CATSPER3: variants seen among roughly 807,000 people sequenced by gnomAD.
The protein encoded by CATSPER3 is cation channel sperm associated 3.
A neutral mutation model predicts 36.6 loss-of-function variants in CATSPER3; 23 were observed. The observed-to-expected ratio is 0.63, with a 90% confidence interval of 0.45 to 0.89. The LOEUF (loss-of-function observed/expected upper bound fraction) is 0.89. Among genes scored for constraint, CATSPER3 ranks in the 40% least tolerant of loss-of-function variants. The pLI is 0.00. For missense variants in CATSPER3, 474 were observed against 503.9 expected (o/e 0.94, Z 0.57); for synonymous variants, 172 against 184.1 (o/e 0.93, Z 0.53).
chr5:134,973,938 T>C (rs560366156), intron 2 of CATSPER3, among the ~76,000 whole-genome samples: 8 of 152,240 alleles, frequency 5.3e-5, no homozygotes, highest in Non-Finnish European at 1.0e-4. Flanking sequence ...ACTGACCTTA[T>C]GTGAACTGCA....
chr5:135,011,453 G>A (rs978283055), intron 7 of CATSPER3, 68 bp from the exon 8 acceptor site: 1 of 1,157,674 alleles, frequency 8.6e-7, no homozygotes, highest in Non-Finnish European at 1.3e-6. Context: ...CGTGTGGTCA[G>A]TGGGGCCAGG....
intron 2 of CATSPER3, 27 bp downstream of exon 2, chr5:134,970,119 C>G (rs778624844): frequency 6.2e-7 from 1 of 1,602,976 alleles, no homozygotes; most frequent in South Asian, 1.1e-5. Context: ...GGTCCATTTT[C>G]TTCTTTTTTT....
intron 2 of CATSPER3, among the ~76,000 whole-genome samples, 178 bp downstream of exon 2, chr5:134,970,270 CT>C (rs1751586802): frequency 6.6e-6 from 1 of 151,924 alleles, no homozygotes; most frequent in African/African-American, 2.4e-5. Flanking sequence ...CAAGCGATTC[CT>C]CTGCCTTAGC....
intron 2 of CATSPER3, among the ~76,000 whole-genome samples, chr5:134,996,013 A>G (rs1387388717): frequency 6.6e-6 from 1 of 152,216 alleles, no homozygotes; most frequent in Admixed American, 6.5e-5. Flanking sequence ...TTATACAGTC[A>G]TTCTGTCTGC....
intron 3 of CATSPER3, among the ~76,000 whole-genome samples, chr5:135,003,587 G>C (rs1013798327): frequency 6.6e-6 from 1 of 152,220 alleles, no homozygotes; most frequent in Non-Finnish European, 1.5e-5. Context: ...TCCTTGAGCT[G>C]CTGTGGGCTC....
At chr5:135,005,480 G>A (rs1350098634) in intron 3 of CATSPER3, among the ~76,000 whole-genome samples, 2 of 152,202 alleles carry the variant, frequency 1.3e-5, no homozygotes, top group African/African-American at 4.8e-5. Context: ...ATCCCCAGAG[G>A]CACAGAAGTG....
At position 134,982,546 on chromosome 5, in the gene CATSPER3, G is replaced by A. The variant is rs183367728; in HGVS notation, c.252+12454G>A. On this transcript the variant is annotated intron_variant, in intron 2 of 7. Coordinates refer to ENST00000282611, the MANE Select transcript of CATSPER3 (RefSeq NM_178019.3). ...AGGCCAAAACACAGTGAAAAGCCAT[G>A]TTTAAAATATAAAAGAAAAAATACT... is the stretch of plus-strand genomic sequence containing the variant. Among the ~76,000 whole-genome samples, 510 of 152,104 alleles carry A rather than the reference G, an allele frequency of 3.4e-3. 7 individuals are homozygous for A. In the East Asian group the frequency reaches 0.037, roughly 11 times the overall value.
intron 2 of CATSPER3, among the ~76,000 whole-genome samples, chr5:134,981,007 C>T (rs6894421): frequency 0.014 from 2,057 of 152,298 alleles, 36 homozygotes; most frequent in African/African-American, 0.047. Flanking sequence ...GCATGAGTTA[C>T]AATGCCTGGC....
At chr5:134,989,463 T>C (rs1030523732) in intron 2 of CATSPER3, among the ~76,000 whole-genome samples, 5 of 152,250 alleles carry the variant, frequency 3.3e-5, no homozygotes, top group African/African-American at 1.2e-4. Context: ...TCAATTCTCT[T>C]AGCTAGATCT....
At chr5:135,008,252 A>G in intron 4 of CATSPER3, 113 bp downstream of exon 4, 1 of 872,922 alleles carries the variant, frequency 1.1e-6, no homozygotes. Flanking sequence ...ATGTCCAGGT[A>G]CTCATCTGGG....
chr5:134,982,859 A>G (rs1279095136), intron 2 of CATSPER3, among the ~76,000 whole-genome samples: 1 of 152,238 alleles, frequency 6.6e-6, no homozygotes, highest in East Asian at 1.9e-4. Context: ...TACCAATGTT[A>G]TAGTTAATGG....
chr5:135,008,194 G>C (rs961001711), intron 4 of CATSPER3, 55 bp downstream of exon 4: 5 of 1,461,686 alleles, frequency 3.4e-6, no homozygotes, highest in South Asian at 1.1e-5. Flanking sequence ...GGACAGCCTA[G>C]GTGGTGCAAG....
chr5:135,009,087 A>G (rs937172162), intron 5 of CATSPER3, 106 bp downstream of exon 5: 11 of 1,475,062 alleles, frequency 7.5e-6, no homozygotes, highest in Admixed American at 5.0e-5. Flanking sequence ...TGTCTTCCCA[A>G]TGAAGTGGAG....
At chr5:134,995,042 T>C (rs1385597706) in intron 2 of CATSPER3, among the ~76,000 whole-genome samples, 1 of 151,298 alleles carries the variant, frequency 6.6e-6, no homozygotes, top group South Asian at 2.1e-4. Context: ...CTTCCTTCCT[T>C]CCAATACATA....
intron 2 of CATSPER3, among the ~76,000 whole-genome samples, chr5:134,979,129 G>C (rs1370819283): frequency 6.6e-6 from 1 of 151,860 alleles, no homozygotes; most frequent in Non-Finnish European, 1.5e-5. Flanking sequence ...CTTGGTTCCA[G>C]AGCAGACTTT....
At chr5:134,971,745 A>G (rs953608853) in intron 2 of CATSPER3, among the ~76,000 whole-genome samples, 2 of 152,180 alleles carry the variant, frequency 1.3e-5, no homozygotes, top group Non-Finnish European at 2.9e-5. Context: ...CTTTTTAAAG[A>G]CAGGATCCCA....
intron 2 of CATSPER3, chr5:134,995,825 G>C: frequency 4.2e-6 from 1 of 240,098 alleles, no homozygotes; most frequent in Non-Finnish European, 8.3e-6. Context: ...AAGTGTAAAA[G>C]AATATTCTTC....
Position 134,970,109 on chromosome 5 carries a change from G to C in CATSPER3, c.252+17G>C. On this transcript the variant is annotated intron_variant, in intron 2 of 7. Coordinates refer to ENST00000282611, the MANE Select transcript of CATSPER3 (RefSeq NM_178019.3). ...CTTCTTGAGGTAAGCAGACAAAATG[G>C]GTCCATTTTCTTCTTTTTTTAAAAC... The C allele has an allele frequency of 6.2e-7, 1 of 1,611,988 alleles. No homozygotes were observed. The highest frequency in any genetic ancestry group is 8.5e-7 in the Non-Finnish European group (1 of 1,178,320).
intron 4 of CATSPER3, 114 bp downstream of exon 4, chr5:135,008,253 C>T: frequency 1.2e-6 from 1 of 849,720 alleles, no homozygotes; most frequent in Non-Finnish European, 1.9e-6. Flanking sequence ...TGTCCAGGTA[C>T]TCATCTGGGC....
Sources: allele counts gnomAD v4.1 joint callset (sites outside exome capture counted in the v4.1 genomes callset), GRCh38; gene constraint gnomAD v4.1.1; transcripts MANE v1.5; gene names NCBI Gene and HGNC (gene_info 2026-07-23, HGNC 2026-07-21).